Variants in STX8 observed in about 807,000 individuals in gnomAD.
STX8 encodes syntaxin 8.
STX8 carries 23 observed loss-of-function variants against 37.5 expected under a neutral mutation model. That is an observed-to-expected ratio of 0.61 (90% confidence interval 0.44 to 0.87). The LOEUF (loss-of-function observed/expected upper bound fraction) is 0.87, where lower values mean the gene tolerates loss of function less well. STX8 is among the 40% of genes least tolerant of loss of function. The pLI is 0.00. For missense variants in STX8, 313 were observed against 284.7 expected (o/e 1.10, Z -0.71); for synonymous variants, 115 against 99.1 (o/e 1.16, Z -0.95).
At chr17:9,480,796 A>G (rs1026804334) in intron 6 of STX8, among the ~76,000 whole-genome samples, 1 of 152,234 alleles carries the variant, frequency 6.6e-6, no homozygotes, top group African/African-American at 2.4e-5. Context: ...CCACGTAGAG[A>G]AAACCCTTTC....
intron 2 of STX8, among the ~76,000 whole-genome samples, chr17:9,559,734 T>TTATATATA (rs1009971082): frequency 7.2e-4 from 35 of 48,748 alleles, no homozygotes; most frequent in African/African-American, 2.3e-3. Flanking sequence ...TATTATTATT[T>TTATATATA]TATATATATA....
At chr17:9,367,351 G>T (rs1039324214) in intron 7 of STX8, among the ~76,000 whole-genome samples, 3 of 152,068 alleles carry the variant, frequency 2.0e-5, no homozygotes, top group Non-Finnish European at 4.4e-5. Context: ...GCACCCACGT[G>T]TTCAGCAACT....
At chr17:9,266,972 A>G (rs373666797) in intron 7 of STX8, among the ~76,000 whole-genome samples, 82 of 152,254 alleles carry the variant, frequency 5.4e-4, no homozygotes, top group African/African-American at 2.0e-3. Context: ...TCAAAAGGTC[A>G]TCTCTACTTT....
At chr17:9,437,298 A>G (rs966795474) in intron 6 of STX8, among the ~76,000 whole-genome samples, 4 of 152,214 alleles carry the variant, frequency 2.6e-5, no homozygotes, top group Non-Finnish European at 4.4e-5. Context: ...TTTCCCCACC[A>G]AAAGTACTGC....
chr17:9,351,488 C>T (rs1910704784), intron 7 of STX8, among the ~76,000 whole-genome samples: 1 of 151,996 alleles, frequency 6.6e-6, no homozygotes, highest in Admixed American at 6.6e-5. Flanking sequence ...ACATGCATCT[C>T]CTAAGAACAA....
intron 4 of STX8, among the ~76,000 whole-genome samples, chr17:9,538,769 G>A (rs1906160229): frequency 6.6e-6 from 1 of 152,068 alleles, no homozygotes; most frequent in Non-Finnish European, 1.5e-5. Flanking sequence ...GTGGTGTGAA[G>A]ATTAAAGCTT....
intron 6 of STX8, among the ~76,000 whole-genome samples, chr17:9,386,765 A>G (rs577778528): frequency 1.3e-5 from 2 of 152,332 alleles, no homozygotes; most frequent in South Asian, 2.1e-4. Context: ...AATCAGTTCC[A>G]TGGCTGAGTT....
At chr17:9,442,980 A>G (rs887268083) in intron 6 of STX8, among the ~76,000 whole-genome samples, 8 of 152,174 alleles carry the variant, frequency 5.3e-5, no homozygotes, top group African/African-American at 1.9e-4. Flanking sequence ...TTATAGTCAA[A>G]AGCTGATGAA....
intron 7 of STX8, among the ~76,000 whole-genome samples, chr17:9,343,039 A>G (rs1207998271): frequency 7.8e-6 from 1 of 128,008 alleles, no homozygotes; most frequent in Non-Finnish European, 1.7e-5. Context: ...AAAAAAAAAA[A>G]AAAAGCTGCA....
At chr17:9,252,103 G>A (rs1003556603) in intron 7 of STX8, among the ~76,000 whole-genome samples, 1 of 151,558 alleles carries the variant, frequency 6.6e-6, no homozygotes, top group Non-Finnish European at 1.5e-5. Context: ...TCAGGAGTTC[G>A]AGACCAGCCT....
chr17:9,340,015 T>C (rs1313754960), intron 7 of STX8, among the ~76,000 whole-genome samples: 1 of 152,222 alleles, frequency 6.6e-6, no homozygotes, highest in African/African-American at 2.4e-5. Flanking sequence ...ACTCTAAGGC[T>C]GACGCAACCG....
chr17:9,330,238 C>T (rs944590672), intron 7 of STX8, among the ~76,000 whole-genome samples: 2 of 152,216 alleles, frequency 1.3e-5, no homozygotes, highest in African/African-American at 4.8e-5. Context: ...TGCTCACAGC[C>T]TTCCAACTGT....
chr17:9,542,607 G>A (rs147135574), intron 4 of STX8, among the ~76,000 whole-genome samples: 1,682 of 152,086 alleles, frequency 0.011, 31 homozygotes, highest in African/African-American at 0.038. Flanking sequence ...AACCTGGGAG[G>A]CGGAGCTTGC....
chr17:9,435,978 G>A (rs1247518577), intron 6 of STX8, among the ~76,000 whole-genome samples: 2 of 152,186 alleles, frequency 1.3e-5, no homozygotes, highest in African/African-American at 4.8e-5. Context: ...CAGTCTGACT[G>A]TGGGAATCAA....
At chr17:9,354,130 A>G (rs1442696261) in intron 7 of STX8, among the ~76,000 whole-genome samples, 1 of 152,120 alleles carries the variant, frequency 6.6e-6, no homozygotes, top group Admixed American at 6.6e-5. Context: ...TTATAGGAGT[A>G]TTTAGCTCTC....
intron 7 of STX8, among the ~76,000 whole-genome samples, chr17:9,281,827 G>A (rs1374425251): frequency 6.6e-6 from 1 of 152,140 alleles, no homozygotes; most frequent in East Asian, 1.9e-4. Flanking sequence ...CCAGCTACTC[G>A]GGAGGCTGAG....
chr17:9,523,670 C>T (rs1240785707), intron 4 of STX8, among the ~76,000 whole-genome samples: 1 of 152,196 alleles, frequency 6.6e-6, no homozygotes, highest in African/African-American at 2.4e-5. Context: ...TTTCACTTTA[C>T]TGTACTTGTT....
At chr17:9,483,703 A>G (rs1172650264) in intron 6 of STX8, among the ~76,000 whole-genome samples, 4 of 152,140 alleles carry the variant, frequency 2.6e-5, no homozygotes, top group Non-Finnish European at 4.4e-5. Context: ...ATTTTCTAGC[A>G]CGTTCAAAGG....
intron 6 of STX8, among the ~76,000 whole-genome samples, chr17:9,435,115 T>C (rs1469804404): frequency 6.6e-6 from 1 of 152,150 alleles, no homozygotes; most frequent in Non-Finnish European, 1.5e-5. Flanking sequence ...TCCTACCTCA[T>C]AACCTTGAAA....
Sources: allele counts gnomAD v4.1 joint callset (sites outside exome capture counted in the v4.1 genomes callset), GRCh38; gene constraint gnomAD v4.1.1; transcripts MANE v1.5; gene names NCBI Gene and HGNC (gene_info 2026-07-23, HGNC 2026-07-21).